Variants in RPS6KA2 observed in about 807,000 individuals in gnomAD.
RPS6KA2 encodes ribosomal protein S6 kinase alpha-2.
In RPS6KA2, 42 loss-of-function variants were observed where a neutral mutation model predicts 91.8. The ratio of observed to expected loss-of-function variants is 0.46; its 90% CI spans 0.36 to 0.59. The LOEUF (loss-of-function observed/expected upper bound fraction) is 0.59, where lower values mean the gene tolerates loss of function less well. Among genes scored for constraint, RPS6KA2 ranks in the 20% least tolerant of loss-of-function variants. The pLI, the probability that RPS6KA2 is intolerant of heterozygous loss-of-function variation, is 0.00. For missense variants in RPS6KA2, 798 were observed against 978.5 expected (o/e 0.82, Z 2.46); for synonymous variants, 414 against 393.6 (o/e 1.05, Z -0.61).
intron 2 of RPS6KA2, among the ~76,000 whole-genome samples, chr6:166,818,170 A>C (rs558867418): frequency 6.6e-6 from 1 of 152,276 alleles, no homozygotes; most frequent in Non-Finnish European, 1.5e-5. Context: ...TGATATTATT[A>C]AATGTACAGT....
intron 3 of RPS6KA2, among the ~76,000 whole-genome samples, chr6:166,515,037 C>G (rs1782598821): frequency 6.6e-6 from 1 of 152,100 alleles, no homozygotes; most frequent in African/African-American, 2.4e-5. Flanking sequence ...GCCAAGGGTG[C>G]CCAAGGACCA....
At chr6:166,744,780 G>T (rs1790938840) in intron 2 of RPS6KA2, among the ~76,000 whole-genome samples, 1 of 152,154 alleles carries the variant, frequency 6.6e-6, no homozygotes, top group African/African-American at 2.4e-5. Context: ...GCGGCGGTGG[G>T]GTCGCGAGCC....
chr6:166,658,364 T>C (rs1012560134), intron 2 of RPS6KA2, among the ~76,000 whole-genome samples: 1 of 152,190 alleles, frequency 6.6e-6, no homozygotes, highest in African/African-American at 2.4e-5. Context: ...ATCACAAGGC[T>C]TCCCGAGCCA....
intron 2 of RPS6KA2, among the ~76,000 whole-genome samples, chr6:166,637,360 G>T (rs1382721081): frequency 6.6e-6 from 1 of 152,250 alleles, no homozygotes; most frequent in Non-Finnish European, 1.5e-5. Flanking sequence ...GGAGAGAAGG[G>T]TCAGGCTGGG....
At chr6:166,461,799 C>G (rs1349028699) in intron 11 of RPS6KA2, among the ~76,000 whole-genome samples, 2 of 152,240 alleles carry the variant, frequency 1.3e-5, no homozygotes, top group African/African-American at 4.8e-5. Context: ...GCCCCTCTAG[C>G]TCCTCTCCTC....
intron 1 of RPS6KA2, among the ~76,000 whole-genome samples, chr6:166,578,637 A>G (rs1013275728): frequency 8.5e-5 from 13 of 152,214 alleles, no homozygotes; most frequent in African/African-American, 2.7e-4. Context: ...CCTGGCCAGC[A>G]TGCTCCAATC....
chr6:166,447,486 T>G (rs1001985630), intron 14 of RPS6KA2, among the ~76,000 whole-genome samples: 2 of 152,202 alleles, frequency 1.3e-5, no homozygotes, highest in Admixed American at 1.3e-4. Context: ...GACCTGAGAT[T>G]TTTTTTCGGC....
intron 8 of RPS6KA2, among the ~76,000 whole-genome samples, chr6:166,492,890 A>ATTTTTTTT (rs71032807): frequency 8.7e-5 from 9 of 103,568 alleles, no homozygotes; most frequent in African/African-American, 1.1e-4. Context: ...TAATTTTTGT[A>ATTTTTTTT]TTTTTTTTTT....
chr6:166,809,988 A>C (rs1779588052), intron 2 of RPS6KA2, among the ~76,000 whole-genome samples: 1 of 152,250 alleles, frequency 6.6e-6, no homozygotes, highest in African/African-American at 2.4e-5. Context: ...AAAGGAAAGA[A>C]GCTTAAGTGA....
At chr6:166,765,152 C>T (rs894335341) in intron 2 of RPS6KA2, among the ~76,000 whole-genome samples, 16 of 133,184 alleles carry the variant, frequency 1.2e-4, no homozygotes, top group African/African-American at 5.3e-4. Context: ...GAGCCACAGT[C>T]CTGGAGTGAG....
At chr6:166,738,282 T>C (rs1414524510) in intron 2 of RPS6KA2, among the ~76,000 whole-genome samples, 1 of 152,200 alleles carries the variant, frequency 6.6e-6, no homozygotes, top group Non-Finnish European at 1.5e-5. Context: ...TCCTCCAACA[T>C]TTGGAAACCC....
Position 166,836,715 on chromosome 6 carries a change from G to A in RPS6KA2, c.123+21485C>T, listed in dbSNP as rs538984171. Reference sequence around the variant, plus strand: ...TCAAGTCTCGTCTGTTGGTTCTAGCGTCTGGGCCAGTCTCGAGGACAGGTT... The same window carrying A: ...TCAAGTCTCGTCTGTTGGTTCTAGCATCTGGGCCAGTCTCGAGGACAGGTT... On this transcript the variant is annotated intron_variant, in intron 2 of 21. Coordinates refer to the RPS6KA2 transcript ENST00000503859. Among the ~76,000 whole-genome samples the A allele has an allele frequency of 8.0e-4, 122 of 152,242 alleles. 1 individual carries two copies. The highest frequency in any genetic ancestry group is 2.8e-3 in the African/African-American group (115 of 41,524).
chr6:166,667,003 C>T (rs1275170155), intron 2 of RPS6KA2, among the ~76,000 whole-genome samples: 1 of 152,108 alleles, frequency 6.6e-6, no homozygotes, highest in Non-Finnish European at 1.5e-5. Context: ...CACAAAAAGA[C>T]AAATACTGTA....
chr6:166,581,075 A>G (rs1784993736), intron 1 of RPS6KA2, among the ~76,000 whole-genome samples: 1 of 152,020 alleles, frequency 6.6e-6, no homozygotes, highest in African/African-American at 2.4e-5. Flanking sequence ...AATTTTTGTA[A>G]TTTTTAGTAG....
intron 1 of RPS6KA2, among the ~76,000 whole-genome samples, chr6:166,623,660 C>G (rs1313521538): frequency 1.3e-5 from 2 of 152,152 alleles, no homozygotes; most frequent in East Asian, 3.8e-4. Context: ...AGCAATGTGT[C>G]GTGGTTCTTA....
intron 2 of RPS6KA2, among the ~76,000 whole-genome samples, chr6:166,669,854 G>A (rs1285840206): frequency 6.6e-6 from 1 of 152,206 alleles, no homozygotes; most frequent in Non-Finnish European, 1.5e-5. Flanking sequence ...AGGGCCTATG[G>A]GGAGACCTAC....
intron 2 of RPS6KA2, among the ~76,000 whole-genome samples, chr6:166,797,315 T>TC (rs1779252369): frequency 6.6e-6 from 1 of 151,880 alleles, no homozygotes. Flanking sequence ...AAATGTTTTT[T>TC]TTTTTTAGAA....
At chr6:166,534,125 G>T (rs555235543) in intron 2 of RPS6KA2, among the ~76,000 whole-genome samples, 20 of 150,578 alleles carry the variant, frequency 1.3e-4, no homozygotes, top group African/African-American at 4.6e-4. Context: ...GAGAGGCTGA[G>T]GCAGGAGAAT....
chr6:166,501,639 T>TCGA (rs1782032187), intron 6 of RPS6KA2, among the ~76,000 whole-genome samples: 1 of 152,142 alleles, frequency 6.6e-6, no homozygotes, highest in Non-Finnish European at 1.5e-5. Context: ...GGAGGCAGGG[T>TCGA]CCGTAAAGGG....
Sources: allele counts gnomAD v4.1 joint callset (sites outside exome capture counted in the v4.1 genomes callset), GRCh38; gene constraint gnomAD v4.1.1; transcripts MANE v1.5; gene names NCBI Gene and HGNC (gene_info 2026-07-23, HGNC 2026-07-21).